BAZ2A: variants seen among roughly 807,000 people sequenced by gnomAD.
BAZ2A encodes the protein bromodomain adjacent to zinc finger domain 2A.
Under a neutral mutation model 199.9 loss-of-function variants are expected in BAZ2A, and 34 were observed. That is an observed-to-expected ratio of 0.17 (90% CI 0.13 to 0.23). The LOEUF is 0.23. Ranked by LOEUF, BAZ2A falls within the 10% of genes least tolerant of loss-of-function variation. The probability of loss-of-function intolerance (pLI) is 1.00; values close to 1 mark genes in which losing one functional copy is unlikely to be tolerated. For synonymous variants in BAZ2A, 857 were observed against 883.9 expected (o/e 0.97, Z 0.54); for missense variants, 2,002 against 2,391.1 (o/e 0.84, Z 3.39).
intron 10 of BAZ2A, 91 bp downstream of exon 10, chr12:56,609,645 A>C: frequency 7.6e-7 from 1 of 1,313,400 alleles, no homozygotes; most frequent in Non-Finnish European, 1.1e-6. Context: ...TGTTAGTTAC[A>C]CTCCTGGGAA....
rs754962778 is a variant in BAZ2A, at chr12:56,612,074, GGAGACTGCTGGGGAGGTTGTTGGC to G, written c.1284_1307del (p.Pro429_Ser436del). The G allele has an allele frequency of 2.0e-5, 32 of 1,613,640 alleles. No homozygotes were observed. The East Asian group carries it at 2.5e-4, about 12-fold the overall frequency. ...GGGAGGCTGCTGGAGAAACCACTAG[GGAGACTGCTGGGGAGGTTGTTGGC>G]GAGACTGCTGGTGAGGTTGCTGGAT... is the stretch of plus-strand genomic sequence containing the variant. On this transcript the variant is annotated inframe_deletion, in exon 6 of 29. Coordinates refer to ENST00000549884, the MANE Select transcript of BAZ2A (RefSeq NM_001300905.2).
rs1463836284 is a variant in BAZ2A at position 56,598,885 on chromosome 12, C to T, written c.5529G>A (p.Glu1843=). The T allele has an allele frequency of 6.2e-7, 1 of 1,606,848 alleles. No individual in the cohort carries two copies. Among genetic ancestry groups the T allele is most frequent in the South Asian group, 1.1e-5 (1 of 89,796 alleles). The part of the protein sequence containing the change: ...KNPMDFSTMR[E]RLLRGGYTSS... The stretch of plus-strand genomic sequence containing the variant: ...CTACTTACCCTCCCCTGAGCAGCCG[C>T]TCCCGCATGGTGGAAAAATCCATAG... The change falls in exon 28 of 29, where the codon GAG becomes GAA. Residue 1843 remains glutamate, a synonymous_variant. Coordinates refer to ENST00000549884, the MANE Select transcript of BAZ2A (RefSeq NM_001300905.2).
In BAZ2A at chr12:56,599,365, A is replaced by G. The variant is rs1481718735; in HGVS notation, c.5173-7T>C. On this transcript the variant is annotated splice_region_variant and splice_polypyrimidine_tract_variant and intron_variant, in intron 26 of 28. Coordinates refer to ENST00000549884, the MANE Select transcript of BAZ2A (RefSeq NM_001300905.2). The stretch of plus-strand genomic sequence containing the variant: ...TGAATTCTCCCTCCACCTGCTTAGT[A>G]TAGGAAACAGGTGAGATTAGCAACA... 1 of 1,610,414 alleles carries G rather than the reference A, an allele frequency of 6.2e-7. No individual in the cohort carries two copies. Among genetic ancestry groups the G allele is most frequent in the Admixed American group, 1.7e-5 (1 of 59,676 alleles).
At chr12:56,633,379 A>T (rs945764989), upstream of BAZ2A, among the ~76,000 whole-genome samples, 10 of 151,896 alleles carry the variant, frequency 6.6e-5, no homozygotes, top group African/African-American at 2.4e-4. Context: ...TCCAAACATG[A>T]CTTAGAAGAG....
intron 1 of BAZ2A, among the ~76,000 whole-genome samples, chr12:56,629,624 C>A (rs1467100543): frequency 6.6e-6 from 1 of 152,258 alleles, no homozygotes. Context: ...GTGCGCTCCC[C>A]GAGGGAGACA....
chr12:56,630,969 A>C (rs118189816), upstream of BAZ2A: 4,010 of 666,790 alleles, frequency 6.0e-3, 24 homozygotes, highest in Admixed American at 1.0e-2. Flanking sequence ...AAAACTAATC[A>C]GCAAAAAGAT....
At position 56,635,493 on chromosome 12, in the gene BAZ2A, C is replaced by A. The variant is rs1046177547; in HGVS notation, c.4+689G>T. On this transcript the variant is annotated intron_variant, in intron 1 of 29. Coordinates refer to the BAZ2A transcript ENST00000379441. The surrounding 1 kb of genome is among the most constrained non-coding windows in gnomAD (Gnocchi z 4.1). ...GGGCTCCATCCCTACGGCTGTGGGG[C>A]CTTTGGAATCAGGAAGCCACGAAGG... Among the ~76,000 whole-genome samples the A allele has an allele frequency of 6.6e-6, 1 of 152,124 alleles. No homozygotes were observed. Among genetic ancestry groups the A allele is most frequent in the South Asian group, 2.1e-4 (1 of 4,824 alleles).
At chr12:56,626,358 T>C (rs1458044494) in intron 1 of BAZ2A, among the ~76,000 whole-genome samples, 1 of 152,216 alleles carries the variant, frequency 6.6e-6, no homozygotes, top group Non-Finnish European at 1.5e-5. Context: ...ACTTCTATAC[T>C]GTTTCAGCAG....
At chr12:56,604,326 C>T in intron 15 of BAZ2A, 35 bp from the exon 16 acceptor site, 1 of 1,574,570 alleles carries the variant, frequency 6.4e-7, no homozygotes. Context: ...GAAGTGGCAG[C>T]ACAAAAAAAG....
chr12:56,603,671 C>T lies in BAZ2A; in HGVS notation c.3068G>A (p.Gly1023Glu). 1 of 1,613,996 alleles carries T rather than the reference C, an allele frequency of 6.2e-7. No homozygotes were observed. Among genetic ancestry groups the T allele is most frequent in the African/African-American group, 1.3e-5 (1 of 75,036 alleles). The change falls in exon 17 of 29, where the codon GGG becomes GAG. Residue 1023 changes from glycine (G) to glutamate (E), a missense_variant. Gly to Glu is a moderately conservative substitution (Grantham distance 98). Coordinates refer to ENST00000549884, the MANE Select transcript of BAZ2A (RefSeq NM_001300905.2). The stretch of plus-strand genomic sequence containing the variant: ...CCCTTCCATCTCTACTTCAGACCGC[C>T]CAGTTCGCTTGGCCAGAACAGTTTT... ...RLKTVLAKRT[G>E]RSEVEMEGPE...
rs773938024 is a variant in BAZ2A at position 56,598,578 on chromosome 12, G to C, written c.*40C>G. 267 of 1,595,324 alleles carry C rather than the reference G, an allele frequency of 1.7e-4. No individual in the cohort carries two copies. The highest frequency in any genetic ancestry group is 2.0e-4 in the Non-Finnish European group (240 of 1,171,408). On this transcript the variant is annotated 3_prime_UTR_variant, in exon 29 of 29. Transcript: ENST00000549884. ...AATGGCAGGTTTTTGTTTGGAAGGT[G>C]GGGGGAGATGCCACAAGGTGACTCC...
intron 1 of BAZ2A, among the ~76,000 whole-genome samples, chr12:56,628,327 A>C (rs1377211902): frequency 1.3e-5 from 2 of 151,902 alleles, no homozygotes; most frequent in African/African-American, 2.4e-5. Flanking sequence ...GTCCATCACT[A>C]TATGTTACAG....
chr12:56,624,849 G>A (rs1292590057), intron 1 of BAZ2A, among the ~76,000 whole-genome samples: 1 of 152,090 alleles, frequency 6.6e-6, no homozygotes, highest in Non-Finnish European at 1.5e-5. Flanking sequence ...TTGAGTCCAG[G>A]ACCTGGAGGC....
At chr12:56,630,970 G>T, upstream of BAZ2A, 1 of 617,336 alleles carries the variant, frequency 1.6e-6, no homozygotes, top group Non-Finnish European at 2.0e-6. Flanking sequence ...AAACTAATCA[G>T]CAAAAAGATG....
rs1951437828 is a variant in BAZ2A, at chr12:56,635,948, A to G, written c.4+234T>C. On this transcript the variant is annotated intron_variant, in intron 1 of 29. Coordinates refer to the BAZ2A transcript ENST00000379441. The surrounding 1 kb of genome is among the most constrained non-coding windows in gnomAD (Gnocchi z 4.1). ...GGGGCGGCGGGGAGGGGGCTGGGAAAGCCCTGGCCTAAGATGCGTCTCAGG... is the reference window on the plus strand; with the variant it reads ...GGGGCGGCGGGGAGGGGGCTGGGAAGGCCCTGGCCTAAGATGCGTCTCAGG... 1.3e-5 allele frequency among the ~76,000 whole-genome samples: 2 copies of G among 152,152 alleles called. No homozygotes were observed. The highest frequency in any genetic ancestry group is 2.9e-5 in the Non-Finnish European group (2 of 68,018).
chr12:56,628,229 G>T (rs1235832399), intron 1 of BAZ2A, among the ~76,000 whole-genome samples: 1 of 121,532 alleles, frequency 8.2e-6, no homozygotes, highest in Admixed American at 7.8e-5. Context: ...AAAAGAAAAA[G>T]AAAAGAAAGA....
intron 2 of BAZ2A, 98 bp downstream of exon 2, chr12:56,617,297 C>A: frequency 7.9e-7 from 1 of 1,265,000 alleles, no homozygotes; most frequent in Non-Finnish European, 1.0e-6. Flanking sequence ...AAGTTGATTT[C>A]TCTCCAGCAG....
intron 10 of BAZ2A, among the ~76,000 whole-genome samples, chr12:56,608,384 A>ACAAGT (rs1172052376): frequency 6.6e-6 from 1 of 151,886 alleles, no homozygotes; most frequent in East Asian, 1.9e-4. Flanking sequence ...AAAAAAAAAA[A>ACAAGT]CAAAATGAGA....
At chr12:56,629,958 C>G (rs1951250178) in intron 1 of BAZ2A, 167 bp downstream of exon 1, 2 of 428,118 alleles carry the variant, frequency 4.7e-6, no homozygotes, top group African/African-American at 2.2e-5. Flanking sequence ...GACCCCAGAG[C>G]AAGGAGACCC....
Sources: gnomAD v4.1 joint callset for allele counts (sites outside exome capture counted in the v4.1 genomes callset) on GRCh38, gnomAD v4.1.1 for gene constraint, Gnocchi (gnomAD v3.1) non-coding constraint, MANE v1.5 for transcripts, NCBI Gene and HGNC (gene_info 2026-07-23, HGNC 2026-07-21) for gene names.